Variants in PIP5K1B observed in about 807,000 individuals in gnomAD.
The protein encoded by PIP5K1B is phosphatidylinositol 4-phosphate 5-kinase type-1 beta.
A neutral mutation model predicts 67.0 loss-of-function variants in PIP5K1B; 42 were observed. That is an observed-to-expected ratio of 0.63 (90% CI 0.49 to 0.81). The LOEUF (loss-of-function observed/expected upper bound fraction) is 0.81. Ranked by LOEUF, PIP5K1B falls within the 30% of genes least tolerant of loss-of-function variation. The probability of loss-of-function intolerance (pLI) is 0.00; values close to 1 mark genes in which losing one functional copy is unlikely to be tolerated. For synonymous variants in PIP5K1B, 214 were observed against 231.4 expected (o/e 0.92, Z 0.68); for missense variants, 459 against 646.3 (o/e 0.71, Z 3.14).
At chr9:68,736,507 G>T (rs1828743618) in intron 1 of PIP5K1B, among the ~76,000 whole-genome samples, 1 of 152,130 alleles carries the variant, frequency 6.6e-6, no homozygotes, top group Non-Finnish European at 1.5e-5. Context: ...GGCATAAAAG[G>T]ATACAAATTT....
At chr9:68,720,395 C>A (rs556676677) in intron 1 of PIP5K1B, among the ~76,000 whole-genome samples, 1 of 152,254 alleles carries the variant, frequency 6.6e-6, no homozygotes, top group African/African-American at 2.4e-5. Flanking sequence ...ATTTTTTGAT[C>A]CCAACTCTTA....
intron 4 of PIP5K1B, 57 bp from the exon 5 acceptor site, chr9:68,863,780 C>T: frequency 1.3e-6 from 2 of 1,513,844 alleles, no homozygotes; most frequent in South Asian, 1.2e-5. Flanking sequence ...TTGCCTGTAC[C>T]ATTGAACAAG....
chr9:68,825,739 A>G (rs1420704692), intron 4 of PIP5K1B, among the ~76,000 whole-genome samples: 3 of 152,190 alleles, frequency 2.0e-5, no homozygotes, highest in Non-Finnish European at 4.4e-5. Context: ...GTGGAGTGGG[A>G]GAGGCAAGAC....
intron 6 of PIP5K1B, among the ~76,000 whole-genome samples, chr9:68,883,758 T>C (rs1824314800): frequency 6.6e-6 from 1 of 151,968 alleles, no homozygotes; most frequent in Non-Finnish European, 1.5e-5. Flanking sequence ...AGCTGTAGTA[T>C]CAAAACAGCA....
intron 4 of PIP5K1B, among the ~76,000 whole-genome samples, chr9:68,834,366 C>G (rs1224237590): frequency 6.6e-6 from 1 of 152,206 alleles, no homozygotes; most frequent in Non-Finnish European, 1.5e-5. Flanking sequence ...TCCACCCTCC[C>G]AGGCAGTGGC....
intron 13 of PIP5K1B, among the ~76,000 whole-genome samples, chr9:68,935,400 G>C (rs146744678): frequency 1.3e-5 from 2 of 152,110 alleles, no homozygotes; most frequent in Non-Finnish European, 2.9e-5. Flanking sequence ...CCCAGGAGGC[G>C]GAGGCTGCAA....
At chr9:68,912,946 G>A (rs547759106) in intron 8 of PIP5K1B, among the ~76,000 whole-genome samples, 1 of 152,300 alleles carries the variant, frequency 6.6e-6, no homozygotes, top group Non-Finnish European at 1.5e-5. Flanking sequence ...GAACACTCAT[G>A]CATCACCAGT....
chr9:68,960,010 A>C (rs1017365874), intron 14 of PIP5K1B, among the ~76,000 whole-genome samples: 11 of 152,140 alleles, frequency 7.2e-5, no homozygotes, highest in African/African-American at 2.7e-4. Flanking sequence ...CATAGTGTTT[A>C]TATTTCCCTC....
intron 5 of PIP5K1B, among the ~76,000 whole-genome samples, chr9:68,873,476 C>T (rs963432629): frequency 1.3e-5 from 2 of 151,820 alleles, no homozygotes; most frequent in South Asian, 2.1e-4. Context: ...TTCATAGAGA[C>T]AGGGTTTCAC....
At chr9:68,776,164 G>A (rs146678264) in intron 2 of PIP5K1B, among the ~76,000 whole-genome samples, 43 of 152,264 alleles carry the variant, frequency 2.8e-4, no homozygotes, top group African/African-American at 7.5e-4. Context: ...GCTAATTAAC[G>A]TGGAACATTG....
At chr9:68,734,466 G>A (rs1478139241) in intron 1 of PIP5K1B, among the ~76,000 whole-genome samples, 4 of 152,198 alleles carry the variant, frequency 2.6e-5, no homozygotes, top group Non-Finnish European at 5.9e-5. Context: ...AAGGCTCAAA[G>A]CTACGTCCAA....
At chr9:68,758,858 CAG>C (rs998135657) in intron 2 of PIP5K1B, among the ~76,000 whole-genome samples, 2 of 151,938 alleles carry the variant, frequency 1.3e-5, no homozygotes, top group African/African-American at 4.8e-5. Flanking sequence ...ATCTCGAAAA[CAG>C]AGGAAAAGAA....
intron 1 of PIP5K1B, among the ~76,000 whole-genome samples, chr9:68,719,410 GA>G (rs2132257842): frequency 1.3e-5 from 2 of 152,214 alleles, no homozygotes; most frequent in South Asian, 4.2e-4. Flanking sequence ...TCTTCCATTG[GA>G]AAACAAGTTC....
chr9:68,913,019 G>T (rs536926092), intron 8 of PIP5K1B, among the ~76,000 whole-genome samples: 2 of 152,158 alleles, frequency 1.3e-5, no homozygotes, highest in East Asian at 3.9e-4. Context: ...GTGTCTTCAG[G>T]GTACTCTAGC....
chr9:68,791,761 T>C (rs893365663), intron 2 of PIP5K1B, among the ~76,000 whole-genome samples: 5 of 152,218 alleles, frequency 3.3e-5, no homozygotes, highest in Non-Finnish European at 7.3e-5. Context: ...CAGTTATTTC[T>C]AAAATACAAA....
intron 2 of PIP5K1B, among the ~76,000 whole-genome samples, chr9:68,794,279 A>C (rs188190312): frequency 9.8e-5 from 15 of 152,352 alleles, no homozygotes; most frequent in African/African-American, 3.6e-4. Context: ...GCGAAAGGTC[A>C]TCTTCCTCCC....
chr9:68,742,189 G>GTAC (rs1349735567), intron 1 of PIP5K1B: 3 of 152,124 alleles, frequency 2.0e-5, no homozygotes, highest in African/African-American at 7.2e-5. Flanking sequence ...ATCACTAGAT[G>GTAC]TACTATAAGG....
At chr9:68,910,681 C>T (rs980746431) in intron 8 of PIP5K1B, among the ~76,000 whole-genome samples, 1 of 152,130 alleles carries the variant, frequency 6.6e-6, no homozygotes, top group Non-Finnish European at 1.5e-5. Flanking sequence ...GACAGAGGGA[C>T]ACTAATAATG....
chr9:69,008,679 A>T lies in PIP5K1B; in HGVS notation c.*230A>T, dbSNP rs1831199436. Reference sequence around the variant, plus strand: ...ATTTGCTGTTGCTTGCTGAACTGTGAAGAACTGCATGAACTATATTTAAGC... The same window carrying T: ...ATTTGCTGTTGCTTGCTGAACTGTGTAGAACTGCATGAACTATATTTAAGC... On this transcript the variant is annotated 3_prime_UTR_variant, in exon 16 of 16. Coordinates refer to ENST00000265382, the MANE Select transcript of PIP5K1B (RefSeq NM_003558.4). The T allele has an allele frequency of 1.8e-6, 1 of 546,570 alleles. No homozygotes were observed. Among genetic ancestry groups the T allele is most frequent in the Non-Finnish European group, 3.4e-6 (1 of 297,182 alleles). The allele number at this position is 546,570 out of a possible 1,614,324, so 33.9% of individuals were successfully genotyped here.
Sources: allele counts gnomAD v4.1 joint callset (sites outside exome capture counted in the v4.1 genomes callset), GRCh38; gene constraint gnomAD v4.1.1; transcripts MANE v1.5; gene names NCBI Gene and HGNC (gene_info 2026-07-23, HGNC 2026-07-21).